Variants in ERP44 observed in about 807,000 individuals in gnomAD.
ERP44 encodes the protein endoplasmic reticulum protein 44.
ERP44 carries 25 observed loss-of-function variants against 53.4 expected under a neutral mutation model. The ratio of observed to expected loss-of-function variants is 0.47; its 90% CI spans 0.34 to 0.65. The LOEUF (loss-of-function observed/expected upper bound fraction) is 0.65, where lower values mean the gene tolerates loss of function less well. Ranked by LOEUF, ERP44 falls within the 30% of genes least tolerant of loss-of-function variation. The probability of loss-of-function intolerance (pLI) is 0.01; values close to 1 mark genes in which losing one functional copy is unlikely to be tolerated. For missense variants in ERP44, 338 were observed against 493.2 expected, an observed-to-expected ratio of 0.69 and a Z score of 2.98; for synonymous variants, 145 against 161.2, an observed-to-expected ratio of 0.90 and a Z score of 0.76.
chr9:100,075,134 T>C (rs1564103942), intron 1 of ERP44, among the ~76,000 whole-genome samples: 1 of 152,168 alleles, frequency 6.6e-6, no homozygotes, highest in Non-Finnish European at 1.5e-5. Context: ...AGGGTGGTGA[T>C]TCCCAGCACA....
chr9:99,987,000 A>G (rs2118599987), intron 10 of ERP44, among the ~76,000 whole-genome samples: 1 of 152,234 alleles, frequency 6.6e-6, no homozygotes, highest in East Asian at 1.9e-4. Context: ...AAAGATTATC[A>G]CAACTAATAC....
At chr9:100,082,179 A>T (rs1034773174) in intron 1 of ERP44, among the ~76,000 whole-genome samples, 3 of 152,134 alleles carry the variant, frequency 2.0e-5, no homozygotes, top group African/African-American at 7.2e-5. Context: ...CACCACCTTC[A>T]TGAACAGGAA....
intron 4 of ERP44, among the ~76,000 whole-genome samples, chr9:100,037,063 G>A (rs998117651): frequency 2.6e-5 from 4 of 152,136 alleles, no homozygotes; most frequent in Non-Finnish European, 5.9e-5. Context: ...TTTTAACTTC[G>A]TTTCACTGAA....
intron 1 of ERP44, among the ~76,000 whole-genome samples, chr9:100,082,887 A>G (rs905595253): frequency 2.0e-5 from 3 of 152,180 alleles, no homozygotes; most frequent in Non-Finnish European, 4.4e-5. Context: ...ATAAAGATTT[A>G]CATATTTCCA....
intron 4 of ERP44, among the ~76,000 whole-genome samples, chr9:100,028,838 G>T (rs997525039): frequency 6.6e-6 from 1 of 152,080 alleles, no homozygotes; most frequent in African/African-American, 2.4e-5. Context: ...CAAAAAACTC[G>T]ACTCAGTTGA....
intron 10 of ERP44, among the ~76,000 whole-genome samples, chr9:99,986,765 T>A (rs1247478803): frequency 2.6e-5 from 4 of 152,198 alleles, no homozygotes; most frequent in Admixed American, 2.6e-4. Flanking sequence ...CAAATGACTG[T>A]CAGGTAGCTG....
At chr9:100,031,122 G>A (rs1825782604) in intron 4 of ERP44, among the ~76,000 whole-genome samples, 1 of 151,994 alleles carries the variant, frequency 6.6e-6, no homozygotes, top group Admixed American at 6.6e-5. Context: ...ACGGGCTTAG[G>A]ATCCCATAAG....
intron 4 of ERP44, among the ~76,000 whole-genome samples, chr9:100,045,592 T>G (rs1476904099): frequency 6.6e-6 from 1 of 152,138 alleles, no homozygotes; most frequent in Non-Finnish European, 1.5e-5. Context: ...TCCCAGGCAA[T>G]TTGACTAGAA....
Position 99,980,181 on chromosome 9 carries a change from A to G in ERP44, c.*2431T>C. The G allele has an allele frequency of 2.5e-6, 1 of 397,372 alleles. No individual in the cohort carries two copies. The highest frequency in any genetic ancestry group is 4.4e-6 in the Non-Finnish European group (1 of 225,582). The allele number at this position is 397,372 out of a possible 1,614,324, so 24.6% of individuals were successfully genotyped here. ...CTCCTTTATGCCCTCTTTAACCTTT[A>G]TTTTGTCTTTACATCTATAACACGT... On this transcript the variant is annotated 3_prime_UTR_variant, in exon 12 of 12. Coordinates refer to ENST00000262455, the MANE Select transcript of ERP44 (RefSeq NM_015051.3).
intron 10 of ERP44, among the ~76,000 whole-genome samples, chr9:99,995,738 G>GTATA (rs1390436507): frequency 6.6e-6 from 1 of 152,098 alleles, no homozygotes; most frequent in Non-Finnish European, 1.5e-5. Flanking sequence ...ATCCCATTGT[G>GTATA]TATATATAGC....
At chr9:100,014,766 A>G (rs1421238997) in intron 8 of ERP44, among the ~76,000 whole-genome samples, 2 of 152,248 alleles carry the variant, frequency 1.3e-5, no homozygotes, top group South Asian at 4.1e-4. Flanking sequence ...AGATTATATG[A>G]ACTGCAAAGG....
At chr9:100,051,315 G>A (rs957574999) in intron 4 of ERP44, among the ~76,000 whole-genome samples, 1 of 152,192 alleles carries the variant, frequency 6.6e-6, no homozygotes, top group African/African-American at 2.4e-5. Context: ...ACCAGACACT[G>A]AGCTATGTAA....
chr9:100,031,820 C>CCCTAGGTTTTTGA (rs1825793804), intron 4 of ERP44, among the ~76,000 whole-genome samples: 4 of 152,120 alleles, frequency 2.6e-5, no homozygotes, highest in African/African-American at 9.7e-5. Flanking sequence ...CTGTTTTCCT[C>CCCTAGGTTTTTGA]ATGAAACCCT....
intron 4 of ERP44, among the ~76,000 whole-genome samples, chr9:100,050,143 C>T (rs1826020823): frequency 6.6e-6 from 1 of 151,572 alleles, no homozygotes. Flanking sequence ...GTAGATGGTC[C>T]TTAAGGATGA....
At chr9:100,054,208 C>T (rs1347323662) in intron 3 of ERP44, among the ~76,000 whole-genome samples, 2 of 152,102 alleles carry the variant, frequency 1.3e-5, no homozygotes, top group African/African-American at 2.4e-5. Context: ...ACTATGTATT[C>T]TAATAAACAT....
At chr9:99,995,182 A>T (rs1830298635) in intron 10 of ERP44, among the ~76,000 whole-genome samples, 1 of 152,112 alleles carries the variant, frequency 6.6e-6, no homozygotes, top group African/African-American at 2.4e-5. Context: ...AATAAAAGTG[A>T]TGTTTTAAAA....
chr9:99,990,010 G>A (rs903528455), intron 10 of ERP44, among the ~76,000 whole-genome samples: 3 of 152,198 alleles, frequency 2.0e-5, no homozygotes, highest in East Asian at 1.9e-4. Flanking sequence ...CAAGAAATAT[G>A]AGACTACGTG....
intron 11 of ERP44, 46 bp from the exon 12 acceptor site, chr9:99,982,759 G>T (rs756004445): frequency 8.1e-7 from 1 of 1,231,834 alleles, no homozygotes; most frequent in South Asian, 1.4e-5. Context: ...ATAGTTTATG[G>T]TGCTATAATA....
At chr9:100,021,474 G>A (rs955559360) in intron 5 of ERP44, among the ~76,000 whole-genome samples, 2 of 152,222 alleles carry the variant, frequency 1.3e-5, no homozygotes, top group Non-Finnish European at 2.9e-5. Context: ...CCATGAAATG[G>A]TAATTGGTTA....
Sources: allele counts gnomAD v4.1 joint callset (sites outside exome capture counted in the v4.1 genomes callset), GRCh38; gene constraint gnomAD v4.1.1; transcripts MANE v1.5; gene names NCBI Gene and HGNC (gene_info 2026-07-23, HGNC 2026-07-21).